Variants in CDKAL1 observed in about 807,000 individuals in gnomAD.
CDKAL1 encodes CDKAL1 threonylcarbamoyladenosine tRNA methylthiotransferase.
A neutral mutation model predicts 68.2 loss-of-function variants in CDKAL1; 32 were observed. The ratio of observed to expected loss-of-function variants is 0.47; its 90% CI spans 0.35 to 0.63. The LOEUF (loss-of-function observed/expected upper bound fraction) is 0.63. Among genes scored for constraint, CDKAL1 ranks in the 30% least tolerant of loss-of-function variants. CDKAL1 has a pLI of 0.00. For missense variants in CDKAL1, 606 were observed against 696.7 expected (o/e 0.87, Z 1.47); for synonymous variants, 234 against 244.3 (o/e 0.96, Z 0.39).
intron 10 of CDKAL1, among the ~76,000 whole-genome samples, chr6:20,955,877 C>T (rs1764752271): frequency 6.6e-6 from 1 of 152,160 alleles, no homozygotes; most frequent in African/African-American, 2.4e-5. Flanking sequence ...CATAAATTTG[C>T]CTCAGTTCCT....
At chr6:21,155,755 T>C (rs966049157) in intron 13 of CDKAL1, among the ~76,000 whole-genome samples, 4 of 152,216 alleles carry the variant, frequency 2.6e-5, no homozygotes, top group Admixed American at 6.5e-5. Flanking sequence ...CTACTGGGAA[T>C]GAAATTTCAT....
At chr6:20,781,018 A>T in intron 7 of CDKAL1, 127 bp from the exon 8 acceptor site, 1 of 900,608 alleles carries the variant, frequency 1.1e-6, no homozygotes, top group Non-Finnish European at 1.7e-6. Flanking sequence ...AAATGATCAC[A>T]CTTCACTCTT....
In CDKAL1 at chr6:21,231,052, G is replaced by A; in HGVS notation, c.*13G>A. 6.4e-7 allele frequency: 1 copy of A among 1,555,502 alleles called. No homozygotes were observed. Among genetic ancestry groups the A allele is most frequent in the Non-Finnish European group, 8.8e-7 (1 of 1,138,084 alleles). ...GGTCTATAATTAGAATACAACTAATGGAAACATCTATAAAGAAGAATACAT... is the reference window on the plus strand; with the variant it reads ...GGTCTATAATTAGAATACAACTAATAGAAACATCTATAAAGAAGAATACAT... On this transcript the variant is annotated 3_prime_UTR_variant, in exon 16 of 16. Transcript: ENST00000274695.
chr6:21,125,973 C>G (rs1774991219), intron 13 of CDKAL1, among the ~76,000 whole-genome samples: 1 of 152,186 alleles, frequency 6.6e-6, no homozygotes, highest in Non-Finnish European at 1.5e-5. Flanking sequence ...CTCTGGAGGA[C>G]TAGTACAGTG....
intron 4 of CDKAL1, among the ~76,000 whole-genome samples, chr6:20,553,650 G>A (rs1337781855): frequency 2.0e-5 from 3 of 152,182 alleles, no homozygotes; most frequent in African/African-American, 7.2e-5. Context: ...TCACTCCGCT[G>A]CCCAGGCTGG....
At chr6:20,660,295 T>C (rs1769225859) in intron 5 of CDKAL1, among the ~76,000 whole-genome samples, 1 of 152,146 alleles carries the variant, frequency 6.6e-6, no homozygotes, top group South Asian at 2.1e-4. Context: ...CTCAGAAAAA[T>C]TCTTTTTATG....
intron 12 of CDKAL1, among the ~76,000 whole-genome samples, chr6:21,090,102 G>A (rs1772918795): frequency 6.6e-6 from 1 of 152,168 alleles, no homozygotes; most frequent in African/African-American, 2.4e-5. Flanking sequence ...GTAGCTATAA[G>A]TAAATAGACA....
intron 9 of CDKAL1, among the ~76,000 whole-genome samples, chr6:20,930,400 A>G (rs1044560279): frequency 3.9e-5 from 6 of 152,132 alleles, no homozygotes; most frequent in African/African-American, 1.4e-4. Flanking sequence ...CAATTTCTGC[A>G]TATAGGTCTG....
intron 10 of CDKAL1, among the ~76,000 whole-genome samples, chr6:20,975,449 A>G (rs556453063): frequency 6.6e-6 from 1 of 152,316 alleles, no homozygotes; most frequent in South Asian, 2.1e-4. Context: ...TGATTTTACT[A>G]CATTAGGTAA....
At chr6:20,802,234 G>A (rs1041683349) in intron 8 of CDKAL1, among the ~76,000 whole-genome samples, 4 of 151,596 alleles carry the variant, frequency 2.6e-5, no homozygotes, top group Non-Finnish European at 4.4e-5. Flanking sequence ...GGAGGCGGAG[G>A]TTCCAGTGAG....
chr6:20,736,506 C>T lies in CDKAL1; in HGVS notation c.372-3013C>T, dbSNP rs191535737. Among the ~76,000 whole-genome samples the T allele has an allele frequency of 2.3e-3, 356 of 152,288 alleles. 1 individual carries two copies. The highest frequency in any genetic ancestry group is 3.3e-3 in the Non-Finnish European group (223 of 68,026). On this transcript the variant is annotated intron_variant, in intron 5 of 15. Transcript: ENST00000274695. ...AATCTTCCGGCCGGGGGCGGTGGCTCACGCCTGTAATCCCAGCACTTTGGG... is the reference window on the plus strand; with the variant it reads ...AATCTTCCGGCCGGGGGCGGTGGCTTACGCCTGTAATCCCAGCACTTTGGG...
chr6:20,855,793 TTAA>T (rs1168037462), intron 9 of CDKAL1, among the ~76,000 whole-genome samples: 2 of 152,370 alleles, frequency 1.3e-5, no homozygotes, highest in East Asian at 3.9e-4. Flanking sequence ...ATGAGTATAA[TTAA>T]TAAGTATACA....
At chr6:21,130,527 G>C (rs181868746) in intron 13 of CDKAL1, among the ~76,000 whole-genome samples, 14 of 152,194 alleles carry the variant, frequency 9.2e-5, no homozygotes, top group Non-Finnish European at 1.8e-4. Flanking sequence ...GCCTGGCCTG[G>C]ACCTAACATT....
intron 15 of CDKAL1, among the ~76,000 whole-genome samples, chr6:21,226,271 T>C (rs1309850359): frequency 6.7e-6 from 1 of 149,112 alleles, no homozygotes; most frequent in East Asian, 2.0e-4. Flanking sequence ...CCCTAAAGTT[T>C]CTGAACATGA....
At chr6:21,186,254 C>CA (rs1562100341) in intron 13 of CDKAL1, among the ~76,000 whole-genome samples, 1 of 151,976 alleles carries the variant, frequency 6.6e-6, no homozygotes, top group Non-Finnish European at 1.5e-5. Context: ...TCCTGACTGG[C>CA]AAATGGTTGA....
At chr6:21,030,691 C>T (rs1002712479) in intron 11 of CDKAL1, among the ~76,000 whole-genome samples, 1 of 152,112 alleles carries the variant, frequency 6.6e-6, no homozygotes, top group Non-Finnish European at 1.5e-5. Context: ...CTTGGACTCA[C>T]CTGCTTCTAT....
At chr6:20,927,683 A>T (rs1763245544) in intron 9 of CDKAL1, among the ~76,000 whole-genome samples, 1 of 152,096 alleles carries the variant, frequency 6.6e-6, no homozygotes, top group Non-Finnish European at 1.5e-5. Context: ...CTAAAACAGG[A>T]ATGTGCTTTT....
intron 9 of CDKAL1, among the ~76,000 whole-genome samples, chr6:20,891,684 G>A (rs1005410165): frequency 1.3e-5 from 2 of 151,852 alleles, no homozygotes; most frequent in African/African-American, 2.4e-5. Flanking sequence ...ACAGGCATGC[G>A]CCACCATGCC....
At chr6:20,837,179 G>A (rs901447077) in intron 8 of CDKAL1, among the ~76,000 whole-genome samples, 2 of 152,070 alleles carry the variant, frequency 1.3e-5, no homozygotes, top group Admixed American at 1.3e-4. Flanking sequence ...TCTTCCTTAT[G>A]TGATTGCTCA....
Sources: allele counts gnomAD v4.1 joint callset (sites outside exome capture counted in the v4.1 genomes callset), GRCh38; gene constraint gnomAD v4.1.1; transcripts MANE v1.5; gene names NCBI Gene and HGNC (gene_info 2026-07-23, HGNC 2026-07-21).